Variants in TMCO1 observed in about 807,000 individuals in gnomAD.
TMCO1 encodes the protein transmembrane and coiled-coil domains 1, also known as calcium load-activated calcium channel.
TMCO1 carries 29 observed loss-of-function variants against 29.3 expected under a neutral mutation model. The ratio of observed to expected loss-of-function variants is 0.99; its 90% CI spans 0.74 to 1.35. The LOEUF (loss-of-function observed/expected upper bound fraction) is 1.35. Among genes scored for constraint, TMCO1 ranks in the 40% most tolerant of loss-of-function variants. The pLI, the probability that TMCO1 is intolerant of heterozygous loss-of-function variation, is 0.00. For synonymous variants in TMCO1, 80 were observed against 77.1 expected (o/e 1.04, Z -0.20); for missense variants, 173 against 225.5 (o/e 0.77, Z 1.49).
chr1:165,767,997 A>G (rs111858965), intron 2 of TMCO1, among the ~76,000 whole-genome samples, 195 bp downstream of exon 2: 2 of 152,204 alleles, frequency 1.3e-5, no homozygotes, highest in African/African-American at 2.4e-5. Flanking sequence ...ACCACAGCAC[A>G]TAACATGTAT....
chr1:165,750,901 C>T (rs1651969327), intron 5 of TMCO1, among the ~76,000 whole-genome samples: 1 of 151,970 alleles, frequency 6.6e-6, no homozygotes, highest in African/African-American at 2.4e-5. Context: ...GAAACCCCGT[C>T]TCTACCAAAA....
Position 165,728,043 on chromosome 1 carries a change from G to A in TMCO1, c.547C>T (p.Pro183Ser). The change falls in exon 7 of 7, where the codon CCT (proline) becomes TCT (serine). Residue 183 changes from proline to serine, a missense_variant. By Grantham distance (74) the Pro-to-Ser change is moderately conservative (BLOSUM62 -1). Transcript: ENST00000367881. Reference sequence around the variant, plus strand: ...TGAGTTCAAGAGAACTTCCCAGAAGGAGGTGGTGGGCCAAGAAATCCACCT... The same window carrying A: ...TGAGTTCAAGAGAACTTCCCAGAAGAAGGTGGTGGGCCAAGAAATCCACCT... Reference protein sequence around the residue: ...QAGGFLGPPPPSGKFS With the variant: ...QAGGFLGPPPSSGKFS 6.2e-7 allele frequency: 1 copy of A among 1,608,270 alleles called. No individual in the cohort carries two copies. The highest frequency in any genetic ancestry group is 8.5e-7 in the Non-Finnish European group (1 of 1,176,202).
At chr1:165,761,510 A>G (rs1014431529) in intron 2 of TMCO1, among the ~76,000 whole-genome samples, 3 of 151,572 alleles carry the variant, frequency 2.0e-5, no homozygotes, top group Non-Finnish European at 4.4e-5. Context: ...ACTCCAGCCT[A>G]TGCGAGAGCG....
At chr1:165,724,806 G>A (rs1650784941), downstream of TMCO1, 1 of 453,660 alleles carries the variant, frequency 2.2e-6, no homozygotes. Flanking sequence ...TGTAAAAATG[G>A]TATTCAGATT....
At chr1:165,740,485 G>A (rs991327836) in intron 6 of TMCO1, among the ~76,000 whole-genome samples, 2 of 152,072 alleles carry the variant, frequency 1.3e-5, no homozygotes, top group Non-Finnish European at 2.9e-5. Context: ...GATTACAGGC[G>A]TGAGCCACCG....
At chr1:165,724,986 TTCTCTCTCTCTCTC>T (rs61515012), downstream of TMCO1, 46,022 of 369,218 alleles carry the variant, frequency 0.12, 1,809 homozygotes, top group East Asian at 0.17. Flanking sequence ...TATTCTCTCT[TTCTCTCTCTCTCTC>T]TCTCTCTCTC....
intron 5 of TMCO1, among the ~76,000 whole-genome samples, chr1:165,748,285 C>G (rs1207238800): frequency 1.3e-5 from 2 of 152,126 alleles, no homozygotes; most frequent in Non-Finnish European, 2.9e-5. Flanking sequence ...CTGAGGATGG[C>G]TAACTTAACA....
intron 4 of TMCO1, among the ~76,000 whole-genome samples, chr1:165,753,333 C>A (rs1028909044): frequency 4.0e-5 from 6 of 151,872 alleles, no homozygotes; most frequent in African/African-American, 1.5e-4. Flanking sequence ...ATAAGCCAGG[C>A]ATGGTGGCAC....
chr1:165,725,083 A>AT (rs201963399), downstream of TMCO1: 2,844 of 398,862 alleles, frequency 7.1e-3, 80 homozygotes, highest in African/African-American at 0.058. Flanking sequence ...TATTTTTGAG[A>AT]TTTTTCATTC....
At chr1:165,759,417 A>T in intron 3 of TMCO1, 108 bp downstream of exon 3, 1 of 841,010 alleles carries the variant, frequency 1.2e-6, no homozygotes, top group Non-Finnish European at 1.9e-6. Context: ...AAACCATAAA[A>T]TCATAGAAAT....
chr1:165,738,366 T>A (rs1651465619), intron 6 of TMCO1, among the ~76,000 whole-genome samples: 1 of 152,118 alleles, frequency 6.6e-6, no homozygotes, highest in South Asian at 2.1e-4. Flanking sequence ...CATGGGAAAA[T>A]CACGGTACAG....
At chr1:165,724,423 AAAC>A, downstream of TMCO1, 1 of 454,154 alleles carries the variant, frequency 2.2e-6, no homozygotes, top group Non-Finnish European at 4.4e-6. Flanking sequence ...TCTACAAGGT[AAAC>A]AACACAACTT....
At chr1:165,731,389 A>G (rs1048048909) in intron 6 of TMCO1, among the ~76,000 whole-genome samples, 1 of 152,248 alleles carries the variant, frequency 6.6e-6, no homozygotes, top group Non-Finnish European at 1.5e-5. Context: ...ATAAAATTTG[A>G]AACAGTAAGA....
At chr1:165,733,783 A>G (rs1455791518) in intron 6 of TMCO1, among the ~76,000 whole-genome samples, 1 of 152,220 alleles carries the variant, frequency 6.6e-6, no homozygotes, top group Non-Finnish European at 1.5e-5. Flanking sequence ...ACAAATGAAG[A>G]ATGTATACCC....
intron 6 of TMCO1, among the ~76,000 whole-genome samples, chr1:165,739,276 C>T (rs1259502017): frequency 1.3e-5 from 2 of 152,126 alleles, no homozygotes; most frequent in Admixed American, 6.6e-5. Flanking sequence ...AAACAGTTTG[C>T]CGATCCGCAC....
At chr1:165,754,940 G>C (rs762719702) in intron 3 of TMCO1, 1 of 152,438 alleles carries the variant, frequency 6.6e-6, no homozygotes, top group Non-Finnish European at 1.5e-5. Context: ...GCTGCAGTGG[G>C]CCATGAACGC....
intron 1 of TMCO1, 69 bp from the exon 2 acceptor site, chr1:165,768,338 T>G: frequency 6.4e-7 from 1 of 1,550,682 alleles, no homozygotes; most frequent in Non-Finnish European, 8.9e-7. Context: ...AAGTGGTTAC[T>G]GTTGGAGAAG....
At chr1:165,761,196 T>TC (rs1652389909) in intron 2 of TMCO1, among the ~76,000 whole-genome samples, 2 of 152,124 alleles carry the variant, frequency 1.3e-5, no homozygotes, top group Non-Finnish European at 2.9e-5. Context: ...TGTGTGTGTT[T>TC]GTTCTGGAAG....
chr1:165,732,501 C>A (rs374533954), intron 6 of TMCO1, among the ~76,000 whole-genome samples: 4,511 of 138,006 alleles, frequency 0.033, 126 homozygotes, highest in African/African-American at 0.08. Context: ...CTCTCTCTCT[C>A]TCTCTATATA....
Sources: allele counts gnomAD v4.1 joint callset (sites outside exome capture counted in the v4.1 genomes callset), GRCh38; gene constraint gnomAD v4.1.1; transcripts MANE v1.5; gene names NCBI Gene and HGNC (gene_info 2026-07-23, HGNC 2026-07-21).